MAGI1: variants seen among roughly 807,000 people sequenced by gnomAD.
MAGI1 encodes membrane associated guanylate kinase, WW and PDZ domain containing 1, also known as membrane-associated guanylate kinase, WW and PDZ domain-containing protein 1.
MAGI1 carries 58 observed loss-of-function variants against 139.9 expected under a neutral mutation model. The observed-to-expected ratio is 0.41, with a 90% CI of 0.34 to 0.52. The LOEUF (loss-of-function observed/expected upper bound fraction) is 0.52, where lower values mean the gene tolerates loss of function less well. Among genes scored for constraint, MAGI1 ranks in the 20% least tolerant of loss-of-function variants. The pLI is 0.12. For missense variants in MAGI1, 1,874 were observed against 1,901.6 expected (o/e 0.99, Z 0.27); for synonymous variants, 812 against 737.9 (o/e 1.10, Z -1.63).
intron 1 of MAGI1, among the ~76,000 whole-genome samples, chr3:65,871,485 G>A (rs2059938264): frequency 6.6e-6 from 1 of 152,192 alleles, no homozygotes; most frequent in South Asian, 2.1e-4. Context: ...AATTGCTGAA[G>A]GGGAAAGAGA....
At chr3:65,809,657 T>C (rs2041094892) in intron 1 of MAGI1, among the ~76,000 whole-genome samples, 4 of 152,162 alleles carry the variant, frequency 2.6e-5, no homozygotes, top group Admixed American at 2.0e-4. Context: ...ACTGGCCTAG[T>C]GACATGGCCA....
intron 1 of MAGI1, among the ~76,000 whole-genome samples, chr3:65,683,098 T>C (rs2087709666): frequency 6.6e-6 from 1 of 152,040 alleles, no homozygotes; most frequent in Admixed American, 6.6e-5. Flanking sequence ...CAGGGAGTAA[T>C]GCTTGCTTGC....
chr3:65,888,813 C>A (rs1254942161), intron 1 of MAGI1, among the ~76,000 whole-genome samples: 3 of 152,122 alleles, frequency 2.0e-5, no homozygotes, highest in Admixed American at 6.5e-5. Context: ...CTATGAACCA[C>A]AAAATCTGAC....
At chr3:65,530,723 ACACACGTATATATATATG>A (rs1184251368) in intron 2 of MAGI1, among the ~76,000 whole-genome samples, 20 of 131,650 alleles carry the variant, frequency 1.5e-4, no homozygotes, top group African/African-American at 5.2e-4. Context: ...GTATATATAT[ACACACGTATATATATATG>A]CACATATATA....
At chr3:65,424,537 A>G (rs754194357) in intron 12 of MAGI1, among the ~76,000 whole-genome samples, 9 of 152,146 alleles carry the variant, frequency 5.9e-5, no homozygotes, top group Non-Finnish European at 1.2e-4. Context: ...AGAAAGGACA[A>G]TTTCACTTCC....
rs149722528 is a variant in MAGI1 at position 65,958,413 on chromosome 3, G to A, written c.313+79583C>T. Among the ~76,000 whole-genome samples, 470 of 152,300 alleles carry A rather than the reference G, an allele frequency of 3.1e-3. 1 individual carries two copies. The highest frequency in any genetic ancestry group is 0.011 in the African/African-American group (451 of 41,564). On this transcript the variant is annotated intron_variant, in intron 1 of 22. Coordinates refer to ENST00000402939, the MANE Select transcript of MAGI1 (RefSeq NM_001033057.2). ...ATTGTATCATCAAAAAGGTATGCATGCAATCCATCTCAAGAAGAGGCTTAC... is the reference window on the plus strand; with the variant it reads ...ATTGTATCATCAAAAAGGTATGCATACAATCCATCTCAAGAAGAGGCTTAC...
intron 2 of MAGI1, among the ~76,000 whole-genome samples, chr3:65,601,327 A>G (rs1039324029): frequency 2.6e-5 from 4 of 152,190 alleles, no homozygotes; most frequent in Admixed American, 6.5e-5. Flanking sequence ...CACAGGCCAC[A>G]TTCACTGACT....
chr3:65,868,865 C>T (rs1438814834), intron 1 of MAGI1, among the ~76,000 whole-genome samples: 3 of 152,166 alleles, frequency 2.0e-5, no homozygotes, highest in African/African-American at 7.2e-5. Context: ...AAAGTCCACC[C>T]TGATCACCCC....
chr3:65,387,065 C>T lies in MAGI1; in HGVS notation c.2417-3442G>A, dbSNP rs146924151. The T allele has an allele frequency of 7.1e-4, 923 of 1,302,940 alleles. 4 individuals carry two copies. The highest frequency in any genetic ancestry group is 3.3e-3 in the South Asian group (270 of 81,202). 80.7% of individuals were successfully genotyped at this position (1,302,940 alleles called of 1,614,324 possible). A position where few individuals can be genotyped will look rare whatever the true frequency, so the allele number is the denominator to read the frequency against. On this transcript the variant is annotated intron_variant, in intron 14 of 22. Coordinates refer to ENST00000402939, the MANE Select transcript of MAGI1 (RefSeq NM_001033057.2). ...CTTCCCTCTCTTTTCTGAACTTCTC[C>T]CCAGGCCCCCAGACCAATGAGAACA...
At chr3:65,760,364 C>A (rs1028966308) in intron 1 of MAGI1, among the ~76,000 whole-genome samples, 1 of 149,408 alleles carries the variant, frequency 6.7e-6, no homozygotes. Flanking sequence ...CAAGGTCACA[C>A]GGCAAGGAAG....
At chr3:65,745,739 T>C (rs111805640) in intron 1 of MAGI1, among the ~76,000 whole-genome samples, 2 of 152,086 alleles carry the variant, frequency 1.3e-5, no homozygotes, top group Admixed American at 6.5e-5. Flanking sequence ...CTTTTGTTTT[T>C]CCCCCCTTGA....
At chr3:65,718,320 G>T (rs991910155) in intron 1 of MAGI1, 1 of 152,094 alleles carries the variant, frequency 6.6e-6, no homozygotes, top group Non-Finnish European at 1.5e-5. Context: ...TGAAAAAAAG[G>T]ATAACGGTGA....
intron 4 of MAGI1, among the ~76,000 whole-genome samples, chr3:65,472,841 A>T (rs1236898610): frequency 6.6e-6 from 1 of 152,238 alleles, no homozygotes; most frequent in Non-Finnish European, 1.5e-5. Context: ...CTGTATTTTT[A>T]TGTAAAATCT....
intron 1 of MAGI1, among the ~76,000 whole-genome samples, chr3:65,915,370 C>G (rs2061850623): frequency 1.3e-5 from 2 of 152,214 alleles, no homozygotes; most frequent in Admixed American, 1.3e-4. Context: ...TGCCAAACAC[C>G]TTGCAATGTG....
intron 1 of MAGI1, among the ~76,000 whole-genome samples, chr3:65,763,456 A>T (rs897930869): frequency 3.9e-5 from 6 of 152,324 alleles, no homozygotes; most frequent in Non-Finnish European, 8.8e-5. Context: ...TAGGAAGGTG[A>T]AGGTAAAAGT....
chr3:65,904,493 G>A (rs988746264), intron 1 of MAGI1, among the ~76,000 whole-genome samples: 5 of 152,080 alleles, frequency 3.3e-5, no homozygotes, highest in Admixed American at 6.6e-5. Flanking sequence ...CCTGCGGCCC[G>A]GCCTCTGCTG....
Position 65,640,297 on chromosome 3 carries a change from T to C in MAGI1, c.314-18209A>G, listed in dbSNP as rs188994547. On this transcript the variant is annotated intron_variant, in intron 1 of 22. Coordinates refer to ENST00000402939, the MANE Select transcript of MAGI1 (RefSeq NM_001033057.2). ...TCATCTGCCTCCTTTAGCTCCAACA[T>C]AGCATGAAGCATTCTACTCAATTCT... Among the ~76,000 whole-genome samples the C allele has an allele frequency of 3.4e-4, 52 of 152,268 alleles. No homozygotes were observed. The South Asian group carries it at 4.4e-3, about 13-fold the overall frequency.
chr3:65,613,799 A>C (rs1293350702), intron 2 of MAGI1, among the ~76,000 whole-genome samples: 1 of 152,180 alleles, frequency 6.6e-6, no homozygotes, highest in Non-Finnish European at 1.5e-5. Flanking sequence ...TTGTTACTCA[A>C]CAAATGCCGG....
At chr3:65,399,803 TG>T (rs1489210471) in intron 13 of MAGI1, among the ~76,000 whole-genome samples, 16 of 152,110 alleles carry the variant, frequency 1.1e-4, no homozygotes, top group Admixed American at 3.3e-4. Flanking sequence ...CCAAAACACT[TG>T]GGGGAAACAG....
Sources: gnomAD v4.1 joint callset for allele counts (sites outside exome capture counted in the v4.1 genomes callset) on GRCh38, gnomAD v4.1.1 for gene constraint, MANE v1.5 for transcripts, NCBI Gene and HGNC (gene_info 2026-07-23, HGNC 2026-07-21) for gene names.